The following TRMU variants were observed in gnomAD, a reference collection of about 807,000 sequenced individuals.
TRMU encodes tRNA mitochondrial 2-thiouridylase.
In TRMU, 49 loss-of-function variants were observed where a neutral mutation model predicts 46.9. The observed-to-expected ratio is 1.05, with a 90% confidence interval of 0.83 to 1.33. The LOEUF is 1.33. Ranked by LOEUF, TRMU falls within the 40% of genes most tolerant of loss-of-function variation. The pLI is 0.00. For missense variants in TRMU, 572 were observed against 532.4 expected (o/e 1.07, Z -0.73); for synonymous variants, 241 against 200.9 (o/e 1.20, Z -1.69).
chr22:46,355,414 G>A, intron 8 of TRMU, 30 bp from the exon 9 acceptor site: 1 of 1,609,592 alleles, frequency 6.2e-7, no homozygotes, highest in Non-Finnish European at 8.5e-7. Context: ...GTGCCCCTCG[G>A]CGTCCCCACC....
In TRMU at chr22:46,349,629, C is replaced by T. The variant is rs543017055; in HGVS notation, c.479-662C>T. Among the ~76,000 whole-genome samples, 64 of 152,314 alleles carry T rather than the reference C, an allele frequency of 4.2e-4. No homozygotes were observed. Among genetic ancestry groups the T allele is most frequent in the African/African-American group, 1.4e-3 (59 of 41,564 alleles). On this transcript the variant is annotated intron_variant, in intron 4 of 10. Transcript: ENST00000645190. The surrounding 1 kb of genome is among the most constrained non-coding windows in gnomAD (Gnocchi z 4.6). ...AGTGGAGAACTGGACGGTTCTAAGC[C>T]AGGTTTACTCACACCTCTGCTCCGT...
In TRMU at chr22:46,338,224, A is replaced by G. The variant is rs2078031892; in HGVS notation, c.248+280A>G. The stretch of plus-strand genomic sequence containing the variant: ...GGACCTTGAGCTGTTTCTGTTGCCC[A>G]GTTAGGATAGGGGAGCTAAGGCTGA... On this transcript the variant is annotated intron_variant, in intron 2 of 10. Transcript: ENST00000645190. The surrounding 1 kb of genome is among the most constrained non-coding windows in gnomAD (Gnocchi z 4.5). The G allele has an allele frequency of 4.6e-6, 2 of 430,674 alleles. No homozygotes were observed. The highest frequency in any genetic ancestry group is 7.0e-5 in the Admixed American group (2 of 28,766). The allele number at this position is 430,674 out of a possible 1,614,324, so 26.7% of individuals were successfully genotyped here. A position where few individuals can be genotyped will look rare whatever the true frequency, so the allele number is the denominator to read the frequency against.
At chr22:46,344,152 T>C (rs1052243775) in intron 3 of TRMU, among the ~76,000 whole-genome samples, 30 of 152,180 alleles carry the variant, frequency 2.0e-4, no homozygotes, top group African/African-American at 7.0e-4. Context: ...TAGGACAAGA[T>C]TGGAAAGACC....
At chr22:46,354,093 C>G (rs2078521479) in intron 8 of TRMU, 2 of 499,282 alleles carry the variant, frequency 4.0e-6, no homozygotes, top group Admixed American at 3.2e-5. Context: ...TTAATCATCC[C>G]TGAACCCCGA....
chr22:46,344,879 T>G (rs1261560148), intron 3 of TRMU, among the ~76,000 whole-genome samples: 3 of 152,176 alleles, frequency 2.0e-5, no homozygotes, highest in Non-Finnish European at 2.9e-5. Context: ...AGATTATGTG[T>G]CTCTAAAGTG....
At chr22:46,340,777 A>C (rs568165336) in intron 2 of TRMU, among the ~76,000 whole-genome samples, 1 of 152,132 alleles carries the variant, frequency 6.6e-6, no homozygotes, top group South Asian at 2.1e-4. Flanking sequence ...TGGGATTAAA[A>C]CCCAGCTTTC....
chr22:46,343,932 A>T (rs1212472295), intron 3 of TRMU, among the ~76,000 whole-genome samples: 2 of 152,102 alleles, frequency 1.3e-5, no homozygotes, highest in East Asian at 3.8e-4. Context: ...AATGATGTAG[A>T]TTAGGCTTGC....
Position 46,335,754 on chromosome 22 carries a change from G to A in TRMU, c.-11G>A, listed in dbSNP as rs1307353096. 3.9e-6 allele frequency: 6 copies of A among 1,549,018 alleles called. No homozygotes were observed. The highest frequency in any genetic ancestry group is 1.2e-5 in the South Asian group (1 of 84,756). ...CGGTAGCTGCAGCTGGCGAAGTTGG[G>A]CGACTGGCGGATGCAGGCCTTGCGG... On this transcript the variant is annotated 5_prime_UTR_variant, in exon 1 of 11. Coordinates refer to ENST00000645190, the MANE Select transcript of TRMU (RefSeq NM_018006.5).
intron 7 of TRMU, 23 bp downstream of exon 7, chr22:46,352,353 T>C (rs1425408883): frequency 6.2e-7 from 1 of 1,613,526 alleles, no homozygotes; most frequent in South Asian, 1.1e-5. Flanking sequence ...CTCTGCCACT[T>C]GTCATCTGAA....
At position 46,353,949 on chromosome 22, in the gene TRMU, C is replaced by T. The variant is rs759616002; in HGVS notation, c.873+82C>T. On this transcript the variant is annotated intron_variant, in intron 8 of 10. Coordinates refer to ENST00000645190, the MANE Select transcript of TRMU (RefSeq NM_018006.5). ...GCTTCCAGACCAGGGCTTGAGAAGG[C>T]CTCCAGCAGCCGTGGCTTCCTGGAG... The T allele has an allele frequency of 6.1e-6, 8 of 1,322,074 alleles. No individual in the cohort carries two copies. In the East Asian group the frequency reaches 1.6e-4, roughly 27 times the overall value. The allele number at this position is 1,322,074 out of a possible 1,614,324, so 81.9% of individuals were successfully genotyped here. A position where few individuals can be genotyped will look rare whatever the true frequency, so the allele number is the denominator to read the frequency against.
At chr22:46,353,457 G>C in intron 7 of TRMU, 1 of 372,538 alleles carries the variant, frequency 2.7e-6, no homozygotes, top group South Asian at 2.1e-5. Flanking sequence ...GCGTCACACA[G>C]GGCACCCAGC....
intron 3 of TRMU, among the ~76,000 whole-genome samples, chr22:46,345,846 C>T (rs772901715): frequency 3.7e-4 from 56 of 151,764 alleles, no homozygotes; most frequent in Non-Finnish European, 6.9e-4. Flanking sequence ...TGGCTTCCTG[C>T]AGCCTCAACC....
chr22:46,335,956 C>A (rs1472459601), intron 1 of TRMU, 110 bp downstream of exon 1: 2 of 1,484,248 alleles, frequency 1.3e-6, no homozygotes, highest in Non-Finnish European at 1.8e-6. Flanking sequence ...CCGCTGGTTG[C>A]GCGCGGGTCG....
At position 46,349,321 on chromosome 22, in the gene TRMU, A is replaced by G. The variant is rs1601965418; in HGVS notation, c.479-970A>G. ...ACCTGCATCACTTTGGGCGAGTCAT[A>G]TGTGATGAACTGGGCCGGCTCCAGT... On this transcript the variant is annotated intron_variant, in intron 4 of 10. Transcript: ENST00000645190. This position sits in a 1 kb window ranked among gnomAD's most constrained non-coding sequence, Gnocchi z 4.6. Among the ~76,000 whole-genome samples, 1 of 152,274 alleles carries G rather than the reference A, an allele frequency of 6.6e-6. No homozygotes were observed. Among genetic ancestry groups the G allele is most frequent in the South Asian group, 2.1e-4 (1 of 4,818 alleles).
intron 3 of TRMU, 25 bp downstream of exon 3, chr22:46,343,393 T>TG: frequency 6.5e-7 from 1 of 1,543,718 alleles, no homozygotes; most frequent in East Asian, 2.3e-5. Flanking sequence ...TTTAAAACAT[T>TG]TTTTTTTTTA....
In TRMU at chr22:46,336,118, G is replaced by GCGGGC. The variant is rs2077969277; in HGVS notation, c.82+277_82+281dup. The GCGGGC allele has an allele frequency of 7.4e-7, 1 of 1,350,166 alleles. No individual in the cohort carries two copies. Among genetic ancestry groups the GCGGGC allele is most frequent in the African/African-American group, 1.5e-5 (1 of 64,704 alleles). The allele number at this position is 1,350,166 out of a possible 1,614,324, so 83.6% of individuals were successfully genotyped here. On this transcript the variant is annotated intron_variant, in intron 1 of 10. Transcript: ENST00000645190. This position sits in a 1 kb window ranked among gnomAD's most constrained non-coding sequence, Gnocchi z 4.1. ...CGCGCCCACCCACAGTGAGAAGCCG[G>GCGGGC]CGGGCCGGGGTGGGGTGGGGAGGGA...
At chr22:46,337,643 G>A (rs2078012934) in intron 1 of TRMU, 136 bp from the exon 2 acceptor site, 1 of 1,141,468 alleles carries the variant, frequency 8.8e-7, no homozygotes, top group Non-Finnish European at 1.3e-6. Flanking sequence ...ACATGGCAAA[G>A]CAGGGACTGC....
chr22:46,353,743 C>T (rs371961350), intron 7 of TRMU, 24 bp from the exon 8 acceptor site: 83 of 1,610,684 alleles, frequency 5.2e-5, no homozygotes, highest in Non-Finnish European at 6.8e-5. Flanking sequence ...TGCCCAGCCT[C>T]ATGGAGAAAC....
intron 2 of TRMU, among the ~76,000 whole-genome samples, chr22:46,340,560 A>C (rs139989979): frequency 0.014 from 1,695 of 118,662 alleles, 35 homozygotes; most frequent in African/African-American, 0.057. Context: ...TGGGATTAAA[A>C]CCCAGAATTA....
Sources: allele counts gnomAD v4.1 joint callset (sites outside exome capture counted in the v4.1 genomes callset), GRCh38; gene constraint gnomAD v4.1.1; non-coding constraint Gnocchi (gnomAD v3.1); transcripts MANE v1.5; gene names NCBI Gene and HGNC (gene_info 2026-07-23, HGNC 2026-07-21).